C6: variants seen among roughly 807,000 people sequenced by gnomAD.
The protein encoded by C6 is complement component C6.
Under a neutral mutation model 112.9 loss-of-function variants are expected in C6, and 101 were observed. The ratio of observed to expected loss-of-function variants is 0.89; its 90% confidence interval spans 0.76 to 1.06. C6 has a LOEUF of 1.06. Among genes scored for constraint, C6 ranks in the 50% least tolerant of loss-of-function variants. C6 has a pLI of 0.00. For missense variants in C6, 1,202 were observed against 1,104.6 expected, an observed-to-expected ratio of 1.09 and a Z score of -1.25; for synonymous variants, 431 against 384.1, an observed-to-expected ratio of 1.12 and a Z score of -1.43.
rs139735513 is a variant in C6 at position 41,176,688 on chromosome 5, C to T, written c.955G>A (p.Val319Met). ...GTTGTGAAGTTTAAGACTTTCATCACTTTATGGATCCTAATAAAACTAGAA... is the reference window on the plus strand; with the variant it reads ...GTTGTGAAGTTTAAGACTTTCATCATTTTATGGATCCTAATAAAACTAGAA... Reference protein sequence around the residue: ...KDSSFIRIHKVMKVLNFTTKA... With the variant: ...KDSSFIRIHKMMKVLNFTTKA... Residue 319 changes from valine (V) to methionine (M), a missense_variant, in exon 8 of 18, where the codon GTG becomes ATG. Transcript: ENST00000337836. 3.9e-4 allele frequency: 623 copies of T among 1,611,842 alleles called. No homozygotes were observed. The highest frequency in any genetic ancestry group is 4.7e-4 in the Non-Finnish European group (558 of 1,178,446).
intron 1 of C6, among the ~76,000 whole-genome samples, chr5:41,225,516 C>T (rs1246625535): frequency 6.6e-5 from 10 of 152,182 alleles, no homozygotes; most frequent in Non-Finnish European, 1.0e-4. Context: ...TGAATAGTGC[C>T]GCAATAAACA....
At chr5:41,144,353 G>A (rs13167951) in intron 17 of C6, among the ~76,000 whole-genome samples, 43,299 of 151,738 alleles carry the variant, frequency 0.29, 7,117 homozygotes, top group Non-Finnish European at 0.38. Flanking sequence ...CTGCACCCTC[G>A]AACTCCTAGG....
intron 1 of C6, among the ~76,000 whole-genome samples, chr5:41,225,911 G>A (rs1365747123): frequency 6.6e-6 from 1 of 152,174 alleles, no homozygotes. Flanking sequence ...GTAGAAAGCT[G>A]AAAGTGGATC....
At chr5:41,238,190 G>C (rs1740446857) in intron 1 of C6, among the ~76,000 whole-genome samples, 1 of 117,268 alleles carries the variant, frequency 8.5e-6, no homozygotes, top group Admixed American at 9.3e-5. Context: ...TCCCCATCAA[G>C]CTACCAATGA....
Position 41,169,464 on chromosome 5 carries a change from ACT to A in C6, c.1291+2759_1291+2760del, listed in dbSNP as rs559752284. 5.3e-5 allele frequency among the ~76,000 whole-genome samples: 8 copies of A among 152,274 alleles called. No homozygotes were observed. In the South Asian group the frequency reaches 8.3e-4, roughly 16 times the overall value. Reference sequence around the variant, plus strand: ...GGTTACATTACACTGGCAATTTTATACTTTTTACCACTTAGAAGAAATAGGAA... The same window carrying A: ...GGTTACATTACACTGGCAATTTTATATTTTACCACTTAGAAGAAATAGGAA... On this transcript the variant is annotated intron_variant, in intron 9 of 17. Coordinates refer to ENST00000337836, the MANE Select transcript of C6 (RefSeq NM_000065.5).
At position 41,250,103 on chromosome 5, in the gene C6, A is replaced by G. The variant is rs1048535787; in HGVS notation, c.-21+11091T>C. 2.0e-5 allele frequency among the ~76,000 whole-genome samples: 3 copies of G among 152,230 alleles called. No homozygotes were observed. In the East Asian group the frequency reaches 5.8e-4, roughly 29 times the overall value. On this transcript the variant is annotated intron_variant, in intron 1 of 17. Coordinates refer to the C6 transcript ENST00000263413. ...TTTTAACTAGGGACAAATTATCCATAGTTAATGGTATCGGGGGAATTTAAT... is the reference window on the plus strand; with the variant it reads ...TTTTAACTAGGGACAAATTATCCATGGTTAATGGTATCGGGGGAATTTAAT...
intron 1 of C6, among the ~76,000 whole-genome samples, chr5:41,244,498 C>A (rs1488645781): frequency 6.6e-6 from 1 of 152,186 alleles, no homozygotes; most frequent in Non-Finnish European, 1.5e-5. Flanking sequence ...AAAGCCCATA[C>A]TAATAAATAC....
At chr5:41,186,970 A>G (rs1749821381) in intron 5 of C6, among the ~76,000 whole-genome samples, 1 of 152,160 alleles carries the variant, frequency 6.6e-6, no homozygotes, top group African/African-American at 2.4e-5. Context: ...AGAGATATTA[A>G]TATGTATTCT....
At chr5:41,162,000 A>G in intron 9 of C6, 141 bp from the exon 10 acceptor site, 1 of 765,284 alleles carries the variant, frequency 1.3e-6, no homozygotes, top group East Asian at 2.7e-5. Flanking sequence ...TAAGTGAAAA[A>G]GCAAGAGAAC....
intron 1 of C6, among the ~76,000 whole-genome samples, 155 bp from the exon 2 acceptor site, chr5:41,203,405 G>T (rs375203571): frequency 5.3e-5 from 8 of 152,062 alleles, no homozygotes; most frequent in African/African-American, 1.2e-4. Context: ...TCACATGCTC[G>T]TGAGTACAAA....
In C6 at chr5:41,181,405, T is replaced by C. The variant is rs747856115; in HGVS notation, c.881A>G (p.Asn294Ser). 6.2e-7 allele frequency: 1 copy of C among 1,613,722 alleles called. No homozygotes were observed. The highest frequency in any genetic ancestry group is 1.1e-5 in the South Asian group (1 of 91,078). ...FYSSKRSENI[N>S]HNSAFKQAIQ... ...GGCTTGTTTGAAGGCAGAATTATGG[T>C]TGATATTTTCACTTCTCTTTGAGGA... is the stretch of plus-strand genomic sequence containing the variant. The change falls in exon 7 of 18, where the codon AAC (asparagine) becomes AGC (serine). Residue 294 changes from asparagine to serine, a missense_variant. Asn to Ser is a conservative substitution (Grantham distance 46). Transcript: ENST00000337836.
At chr5:41,244,074 G>A (rs1185012560) in intron 1 of C6, among the ~76,000 whole-genome samples, 1 of 152,068 alleles carries the variant, frequency 6.6e-6, no homozygotes, top group East Asian at 1.9e-4. Flanking sequence ...ACCTGCTTTT[G>A]AGAAAACATA....
intron 5 of C6, among the ~76,000 whole-genome samples, chr5:41,193,328 T>C (rs1460181470): frequency 2.6e-5 from 4 of 152,136 alleles, no homozygotes; most frequent in Non-Finnish European, 5.9e-5. Context: ...CTTTTAGGAG[T>C]TAAGCCAGCT....
rs1047145964 is a variant in C6 at position 41,227,100 on chromosome 5, A to G, written c.-20-23850T>C. Among the ~76,000 whole-genome samples, 6 of 152,208 alleles carry G rather than the reference A, an allele frequency of 3.9e-5. No individual in the cohort carries two copies. The South Asian group carries it at 1.2e-3, about 32-fold the overall frequency. ...AGTGTGTAAGAGTTTTCTTTCCTCC[A>G]CATTCTCATCAAAACTTGTCATCTT... On this transcript the variant is annotated intron_variant, in intron 1 of 17. Coordinates refer to the C6 transcript ENST00000263413.
intron 13 of C6, among the ~76,000 whole-genome samples, chr5:41,157,547 C>T (rs886196475): frequency 1.3e-5 from 2 of 152,124 alleles, no homozygotes; most frequent in African/African-American, 4.8e-5. Flanking sequence ...TGGCTGTGTT[C>T]CAATAAAAAT....
upstream of C6, among the ~76,000 whole-genome samples, chr5:41,216,897 G>A (rs1013850204): frequency 1.1e-4 from 16 of 152,030 alleles, no homozygotes; most frequent in Admixed American, 8.5e-4. Context: ...AGGAAACCAC[G>A]AAATTAGCTA....
intron 5 of C6, among the ~76,000 whole-genome samples, chr5:41,186,556 T>C (rs1272300002): frequency 6.6e-6 from 1 of 152,166 alleles, no homozygotes; most frequent in Admixed American, 6.6e-5. Context: ...ATATAATAAA[T>C]GCTATCCCAG....
At chr5:41,244,792 G>A (rs1162397236) in intron 1 of C6, among the ~76,000 whole-genome samples, 1 of 151,940 alleles carries the variant, frequency 6.6e-6, no homozygotes, top group African/African-American at 2.4e-5. Context: ...ATGAGTGAAT[G>A]TAGAAAGGAT....
chr5:41,172,465 C>T, intron 8 of C6, 118 bp from the exon 9 acceptor site: 1 of 964,960 alleles, frequency 1.0e-6, no homozygotes, highest in South Asian at 1.4e-5. Flanking sequence ...CCTCTCTTCC[C>T]CAGTCCCCAT....
Sources: allele counts gnomAD v4.1 joint callset (sites outside exome capture counted in the v4.1 genomes callset), GRCh38; gene constraint gnomAD v4.1.1; transcripts MANE v1.5; gene names NCBI Gene and HGNC (gene_info 2026-07-23, HGNC 2026-07-21).